The following HPSE2 variants were observed in gnomAD, a reference collection of about 807,000 sequenced individuals.
HPSE2 encodes inactive heparanase-2.
HPSE2 carries 38 observed loss-of-function variants against 60.5 expected under a neutral mutation model. The observed-to-expected ratio is 0.63, with a 90% CI of 0.48 to 0.82. The LOEUF (loss-of-function observed/expected upper bound fraction) is 0.82. Ranked by LOEUF, HPSE2 falls within the 40% of genes least tolerant of loss-of-function variation. The pLI, the probability that HPSE2 is intolerant of heterozygous loss-of-function variation, is 0.00. For synonymous variants in HPSE2, 295 were observed against 293.2 expected, an observed-to-expected ratio of 1.01 and a Z score of -0.06; for missense variants, 713 against 740.4, an observed-to-expected ratio of 0.96 and a Z score of 0.43.
intron 5 of HPSE2, among the ~76,000 whole-genome samples, chr10:98,703,950 T>G (rs912352389): frequency 1.3e-5 from 2 of 152,076 alleles, no homozygotes; most frequent in Non-Finnish European, 2.9e-5. Flanking sequence ...TAAAGAGTAT[T>G]CAAATAGGAA....
At chr10:98,853,783 G>A (rs76022914) in intron 3 of HPSE2, among the ~76,000 whole-genome samples, 2,970 of 152,202 alleles carry the variant, frequency 0.02, 111 homozygotes, top group East Asian at 0.16. Flanking sequence ...CTAACTGTGT[G>A]GCCTTTTGAG....
chr10:99,259,729 T>C, the HPSE2 span, among the ~76,000 whole-genome samples: 1 of 152,236 alleles, frequency 6.6e-6, no homozygotes, highest in African/African-American at 2.4e-5. Context: ...AGTATGGGTC[T>C]GTGGCCTGTT....
intron 4 of HPSE2, 99 bp from the exon 5 acceptor site, chr10:98,721,927 A>T: frequency 2.0e-6 from 1 of 505,884 alleles, no homozygotes; most frequent in Non-Finnish European, 3.0e-6. Flanking sequence ...TAATAATATG[A>T]AAAAAAAAAA....
At position 98,468,620 on chromosome 10, in the gene HPSE2, C is replaced by T. The variant is rs543970504; in HGVS notation, c.1614-8881G>A. 2.0e-5 allele frequency among the ~76,000 whole-genome samples: 3 copies of T among 152,142 alleles called. No individual in the cohort carries two copies. The South Asian group carries it at 6.2e-4, about 32-fold the overall frequency. On this transcript the variant is annotated intron_variant, in intron 11 of 11. Transcript: ENST00000370552. Reference sequence around the variant, plus strand: ...TATCTGTGTGCTTGGGTCATTTTGTCTGCTACTGACTTTTCATTTCTCAAT... The same window carrying T: ...TATCTGTGTGCTTGGGTCATTTTGTTTGCTACTGACTTTTCATTTCTCAAT...
chr10:99,208,634 A>G (rs1848844264), intron 2 of HPSE2, among the ~76,000 whole-genome samples: 2 of 151,724 alleles, frequency 1.3e-5, no homozygotes, highest in African/African-American at 4.8e-5. Context: ...GCAGTCAGCC[A>G]TGATTACACC....
At chr10:99,179,264 C>T (rs748032748) in intron 2 of HPSE2, among the ~76,000 whole-genome samples, 7 of 152,100 alleles carry the variant, frequency 4.6e-5, no homozygotes, top group African/African-American at 1.7e-4. Context: ...TGGAAGTTTT[C>T]GCTAGGGCAA....
chr10:98,743,752 C>T (rs1354262151), intron 4 of HPSE2, 131 bp downstream of exon 4: 1 of 807,932 alleles, frequency 1.2e-6, no homozygotes, highest in African/African-American at 1.7e-5. Flanking sequence ...GGATAGTCAA[C>T]TCAGTGGCCA....
intron 9 of HPSE2, among the ~76,000 whole-genome samples, chr10:98,501,305 TA>T (rs1470100063): frequency 2.0e-5 from 3 of 152,138 alleles, no homozygotes; most frequent in Non-Finnish European, 4.4e-5. Context: ...AACAAAATAC[TA>T]GCTAACTGGA....
intron 9 of HPSE2, among the ~76,000 whole-genome samples, chr10:98,526,984 T>C (rs539380660): frequency 2.6e-5 from 4 of 152,262 alleles, no homozygotes; most frequent in African/African-American, 9.6e-5. Flanking sequence ...TTGTGCAGTA[T>C]TGATGTGATT....
chr10:98,954,071 C>T (rs112599239), intron 3 of HPSE2, among the ~76,000 whole-genome samples: 14,495 of 151,988 alleles, frequency 0.095, 832 homozygotes, highest in South Asian at 0.21. Flanking sequence ...TTTGGGAGGC[C>T]GAGGCAGGTG....
the HPSE2 span, among the ~76,000 whole-genome samples, chr10:99,252,764 C>A: frequency 6.6e-6 from 1 of 151,676 alleles, no homozygotes; most frequent in Non-Finnish European, 1.5e-5. Context: ...GTAGTCCCAG[C>A]TACTCGAGAG....
At chr10:98,637,106 G>A (rs1946519927) in intron 7 of HPSE2, among the ~76,000 whole-genome samples, 2 of 148,240 alleles carry the variant, frequency 1.3e-5, no homozygotes, top group Admixed American at 1.3e-4. Flanking sequence ...TCATCCAAAG[G>A]GGTGAGTTGT....
chr10:98,548,844 C>G (rs2133847346), intron 9 of HPSE2, among the ~76,000 whole-genome samples: 1 of 152,258 alleles, frequency 6.6e-6, no homozygotes, highest in South Asian at 2.1e-4. Flanking sequence ...TACTGTGAGA[C>G]TCATATATCT....
At chr10:98,614,650 T>C (rs1237000549) in intron 9 of HPSE2, among the ~76,000 whole-genome samples, 1 of 152,142 alleles carries the variant, frequency 6.6e-6, no homozygotes, top group Non-Finnish European at 1.5e-5. Context: ...TATATGTATA[T>C]TGCATACTGC....
intron 3 of HPSE2, among the ~76,000 whole-genome samples, chr10:98,911,116 T>C (rs1251715945): frequency 3.9e-5 from 6 of 152,150 alleles, no homozygotes; most frequent in Non-Finnish European, 2.9e-5. Context: ...CTGTTGGGCA[T>C]AGAAGTAGTT....
chr10:99,183,194 G>A (rs780945212), intron 2 of HPSE2, among the ~76,000 whole-genome samples: 2 of 152,088 alleles, frequency 1.3e-5, no homozygotes, highest in Non-Finnish European at 2.9e-5. Flanking sequence ...ACAATTCAGA[G>A]TTAAGAGTGG....
intron 3 of HPSE2, among the ~76,000 whole-genome samples, chr10:99,021,356 G>GA (rs947098380): frequency 2.0e-5 from 3 of 151,794 alleles, no homozygotes; most frequent in Admixed American, 1.3e-4. Flanking sequence ...TCATAGATGA[G>GA]AAAAAAAGAG....
At chr10:98,713,185 A>G (rs757024033) in intron 5 of HPSE2, among the ~76,000 whole-genome samples, 1 of 152,060 alleles carries the variant, frequency 6.6e-6, no homozygotes, top group Non-Finnish European at 1.5e-5. Flanking sequence ...GAAGATAAAA[A>G]TGAAGATCTG....
At chr10:98,814,658 A>G (rs1383658768) in intron 3 of HPSE2, among the ~76,000 whole-genome samples, 1 of 152,216 alleles carries the variant, frequency 6.6e-6, no homozygotes, top group East Asian at 1.9e-4. Flanking sequence ...ATCAAACTGC[A>G]ATTTATTGCA....
Sources: gnomAD v4.1 joint callset for allele counts (sites outside exome capture counted in the v4.1 genomes callset) on GRCh38, gnomAD v4.1.1 for gene constraint, MANE v1.5 for transcripts, NCBI Gene and HGNC (gene_info 2026-07-23, HGNC 2026-07-21) for gene names.